LINGO2: variants seen among roughly 807,000 people sequenced by gnomAD.
The protein encoded by LINGO2 is leucine rich repeat and Ig domain containing 2.
In LINGO2, 14 loss-of-function variants were observed where a neutral mutation model predicts 30.6. That is an observed-to-expected ratio of 0.46 (90% CI 0.30 to 0.72). LINGO2 has a LOEUF of 0.72. Among genes scored for constraint, LINGO2 ranks in the 30% least tolerant of loss-of-function variants. The pLI is 0.07. For synonymous variants in LINGO2, 317 were observed against 288.5 expected (o/e 1.10, Z -1.00); for missense variants, 729 against 751.7 (o/e 0.97, Z 0.35).
the LINGO2 span, among the ~76,000 whole-genome samples, chr9:28,826,510 C>G: frequency 6.6e-6 from 1 of 152,190 alleles, no homozygotes; most frequent in African/African-American, 2.4e-5. Context: ...CATCACAGGC[C>G]TGCCAAAAGC....
chr9:29,105,052 G>T, the LINGO2 span, among the ~76,000 whole-genome samples: 1 of 152,090 alleles, frequency 6.6e-6, no homozygotes, highest in Non-Finnish European at 1.5e-5. Context: ...CAGATCTTTT[G>T]TACCCTAAAC....
At chr9:28,406,351 T>C (rs1462138224) in intron 2 of LINGO2, among the ~76,000 whole-genome samples, 1 of 150,726 alleles carries the variant, frequency 6.6e-6, no homozygotes, top group Non-Finnish European at 1.5e-5. Context: ...CAGAATTGCT[T>C]GAATTCAGGG....
chr9:28,277,217 T>G (rs2134111475), intron 4 of LINGO2, among the ~76,000 whole-genome samples: 1 of 152,278 alleles, frequency 6.6e-6, no homozygotes, highest in Non-Finnish European at 1.5e-5. Flanking sequence ...TATCAAATAT[T>G]TTCATTGTTA....
At chr9:29,066,110 T>A in the LINGO2 span, among the ~76,000 whole-genome samples, 1 of 151,948 alleles carries the variant, frequency 6.6e-6, no homozygotes, top group Non-Finnish European at 1.5e-5. Context: ...AAGTCAAGTA[T>A]CATAAATAAG....
chr9:28,163,113 T>C (rs575906727), intron 4 of LINGO2, among the ~76,000 whole-genome samples: 6 of 152,248 alleles, frequency 3.9e-5, no homozygotes, highest in African/African-American at 1.4e-4. Flanking sequence ...ATTTGTGTTT[T>C]GGAAAACAAC....
At chr9:28,774,779 G>A in the LINGO2 span, among the ~76,000 whole-genome samples, 1 of 152,064 alleles carries the variant, frequency 6.6e-6, no homozygotes, top group East Asian at 1.9e-4. Context: ...GTATTGCAAA[G>A]TTCAATTTTT....
the LINGO2 span, among the ~76,000 whole-genome samples, chr9:28,775,760 C>A: frequency 6.6e-6 from 1 of 152,092 alleles, no homozygotes. Context: ...ATTCTCCATG[C>A]AAAACTATTG....
At chr9:28,000,506 A>G (rs10812716) in intron 5 of LINGO2, among the ~76,000 whole-genome samples, 18,206 of 152,244 alleles carry the variant, frequency 0.12, 1,226 homozygotes, top group Non-Finnish European at 0.16. Flanking sequence ...GATACTGTGG[A>G]AAATTATTTC....
the LINGO2 span, among the ~76,000 whole-genome samples, chr9:29,040,050 T>G: frequency 6.6e-6 from 1 of 152,150 alleles, no homozygotes; most frequent in Non-Finnish European, 1.5e-5. Flanking sequence ...GAAATTCATA[T>G]CCTAGAAAAG....
intron 3 of LINGO2, among the ~76,000 whole-genome samples, chr9:28,352,118 C>A (rs1360891729): frequency 6.7e-6 from 1 of 150,128 alleles, no homozygotes; most frequent in Non-Finnish European, 1.5e-5. Flanking sequence ...TCTCACCACT[C>A]CTATTCAACA....
At position 28,306,942 on chromosome 9, in the gene LINGO2, T is replaced by C. The variant is rs900323129; in HGVS notation, c.-245-11576A>G. 3.3e-5 allele frequency among the ~76,000 whole-genome samples: 5 copies of C among 151,994 alleles called. No homozygotes were observed. The South Asian group carries it at 1.0e-3, about 31-fold the overall frequency. On this transcript the variant is annotated intron_variant, in intron 3 of 5. Transcript: ENST00000379992. ...TGAAATTGTGGCAATAATCAATAGC[T>C]TACCAACCAAAAAGAGTCCAGGACC... is the stretch of plus-strand genomic sequence containing the variant.
chr9:29,064,790 T>C, the LINGO2 span, among the ~76,000 whole-genome samples: 1 of 152,138 alleles, frequency 6.6e-6, no homozygotes, highest in African/African-American at 2.4e-5. Context: ...TACTTGATTA[T>C]TATAAGTCAA....
At chr9:28,519,665 A>C (rs571345471) in intron 1 of LINGO2, among the ~76,000 whole-genome samples, 1 of 152,328 alleles carries the variant, frequency 6.6e-6, no homozygotes, top group East Asian at 1.9e-4. Context: ...TGTTACCTGC[A>C]CTATACATCC....
chr9:28,460,213 G>A (rs1230317730), intron 2 of LINGO2, among the ~76,000 whole-genome samples: 1 of 152,004 alleles, frequency 6.6e-6, no homozygotes, highest in African/African-American at 2.4e-5. Flanking sequence ...AAAACCAGTT[G>A]GAATTATGCT....
chr9:28,108,715 C>T (rs1826673200), intron 4 of LINGO2, among the ~76,000 whole-genome samples: 1 of 152,000 alleles, frequency 6.6e-6, no homozygotes, highest in Non-Finnish European at 1.5e-5. Context: ...GGATGGAAAC[C>T]AACAGTCCTT....
intron 5 of LINGO2, among the ~76,000 whole-genome samples, chr9:27,987,343 G>T (rs913358519): frequency 9.2e-5 from 14 of 151,548 alleles, no homozygotes; most frequent in Admixed American, 8.6e-4. Context: ...TCCTGAGACA[G>T]GTTCTCACTA....
intron 4 of LINGO2, among the ~76,000 whole-genome samples, chr9:28,187,229 A>G (rs1382789417): frequency 6.6e-6 from 1 of 152,154 alleles, no homozygotes; most frequent in Non-Finnish European, 1.5e-5. Flanking sequence ...AGTGGCTCAC[A>G]CATGTAATCT....
At chr9:28,635,103 G>A (rs189199162) in intron 1 of LINGO2, among the ~76,000 whole-genome samples, 1 of 152,288 alleles carries the variant, frequency 6.6e-6, no homozygotes, top group Non-Finnish European at 1.5e-5. Context: ...GCTTCTTGAT[G>A]ACATTTTGGA....
At chr9:28,153,339 ATG>A (rs1365211079) in intron 4 of LINGO2, among the ~76,000 whole-genome samples, 2 of 152,172 alleles carry the variant, frequency 1.3e-5, no homozygotes, top group East Asian at 3.9e-4. Context: ...TTGCACATAT[ATG>A]TTATGCTGAA....
Sources: allele counts gnomAD v4.1 joint callset (sites outside exome capture counted in the v4.1 genomes callset), GRCh38; gene constraint gnomAD v4.1.1; transcripts MANE v1.5; gene names NCBI Gene and HGNC (gene_info 2026-07-23, HGNC 2026-07-21).